Variants in DSN1 observed in about 807,000 individuals in gnomAD.
The protein encoded by DSN1 is DSN1 component of MIS12 kinetochore complex, also known as kinetochore-associated protein DSN1 homolog.
DSN1 carries 31 observed loss-of-function variants against 45.7 expected under a neutral mutation model. The observed-to-expected ratio is 0.68, with a 90% CI of 0.51 to 0.92. DSN1 has a LOEUF of 0.92. Among genes scored for constraint, DSN1 ranks in the 40% least tolerant of loss-of-function variants. The pLI is 0.00. For synonymous variants in DSN1, 134 were observed against 142.3 expected, an observed-to-expected ratio of 0.94 and a Z score of 0.41; for missense variants, 394 against 414.2, an observed-to-expected ratio of 0.95 and a Z score of 0.42.
At chr20:36,754,697 G>T in intron 10 of DSN1, 66 bp downstream of exon 10, 1 of 1,417,338 alleles carries the variant, frequency 7.1e-7, no homozygotes, top group Non-Finnish European at 9.9e-7. Flanking sequence ...TTGAAGGGCA[G>T]TTTGTATCCC....
At chr20:36,756,718 G>A (rs6129661) in intron 8 of DSN1, among the ~76,000 whole-genome samples, 1 of 152,092 alleles carries the variant, frequency 6.6e-6, no homozygotes, top group Non-Finnish European at 1.5e-5. Flanking sequence ...ACTTGCCCAA[G>A]GTCACAAAAC....
chr20:36,765,668 G>A (rs1056400697), intron 5 of DSN1, among the ~76,000 whole-genome samples: 35 of 147,664 alleles, frequency 2.4e-4, no homozygotes, highest in African/African-American at 7.3e-4. Flanking sequence ...CGCAGTGGCC[G>A]ACGCCTGTAG....
chr20:36,756,227 G>A (rs1032309989), intron 8 of DSN1, among the ~76,000 whole-genome samples: 3 of 152,016 alleles, frequency 2.0e-5, no homozygotes, highest in Non-Finnish European at 2.9e-5. Flanking sequence ...TGATCTGCCC[G>A]CTTCGGCCTC....
At chr20:36,770,698 A>G (rs1987598223) in intron 3 of DSN1, among the ~76,000 whole-genome samples, 175 bp downstream of exon 3, 1 of 152,208 alleles carries the variant, frequency 6.6e-6, no homozygotes, top group African/African-American at 2.4e-5. Flanking sequence ...GTCTCTTAAA[A>G]AGAAATAGCA....
chr20:36,754,840 A>G lies in DSN1; in HGVS notation c.884T>C (p.Leu295Pro), dbSNP rs749483848. ...FDCMELVMDE[L>P]QGSVKQLQAF... Reference sequence around the variant, plus strand: ...CTGCAGCTGTTTCACTGATCCTTGCAGTTCATCCATCTGTAGAAAAAAGAC... The same window carrying G: ...CTGCAGCTGTTTCACTGATCCTTGCGGTTCATCCATCTGTAGAAAAAAGAC... Residue 295 changes from leucine to proline, a missense_variant, in exon 10 of 11, where the codon CTG (leucine) becomes CCG (proline). By Grantham distance (98) the Leu-to-Pro change is moderately conservative. Transcript: ENST00000373750. 9 of 1,613,818 alleles carry G rather than the reference A, an allele frequency of 5.6e-6. No individual in the cohort carries two copies. Among genetic ancestry groups the G allele is most frequent in the African/African-American group, 1.3e-5 (1 of 75,024 alleles).
At chr20:36,763,885 CAAAAAAAAAAAAAAAAA>C (rs148628979) in intron 5 of DSN1, among the ~76,000 whole-genome samples, 15 of 37,462 alleles carry the variant, frequency 4.0e-4, no homozygotes, top group African/African-American at 9.6e-4. Flanking sequence ...AACTCTGTCT[CAAAAAAAAAAAAAAAAA>C]AAAAAAAAAG....
intron 8 of DSN1, 116 bp from the exon 9 acceptor site, chr20:36,755,945 C>T: frequency 1.7e-6 from 2 of 1,206,736 alleles, no homozygotes; most frequent in South Asian, 1.6e-5. Flanking sequence ...TAGCTATAGG[C>T]TCACTTCTTA....
At chr20:36,756,231 C>T (rs954010377) in intron 8 of DSN1, among the ~76,000 whole-genome samples, 2 of 152,152 alleles carry the variant, frequency 1.3e-5, no homozygotes, top group Admixed American at 1.3e-4. Flanking sequence ...CTGCCCGCTT[C>T]GGCCTCCCAA....
chr20:36,755,802 C>G lies in DSN1; in HGVS notation c.753G>C (p.Glu251Asp), dbSNP rs1244562520. 2.5e-6 allele frequency: 4 copies of G among 1,612,896 alleles called. No homozygotes were observed. The highest frequency in any genetic ancestry group is 2.2e-5 in the East Asian group (1 of 44,858). ...SRGSTEAKIT[E>D]VKVEPMTYLG... ...GATATGTCATAGGTTCCACTTTGACCTCAGTAATTTTGGCCTCAGTTGATC... is the reference window on the plus strand; with the variant it reads ...GATATGTCATAGGTTCCACTTTGACGTCAGTAATTTTGGCCTCAGTTGATC... The change falls in exon 9 of 11, where the codon GAG (glutamate) becomes GAC (aspartate). Residue 251 changes from glutamate to aspartate, a missense_variant. Glu to Asp is a conservative substitution (Grantham distance 45). Coordinates refer to ENST00000373750, the MANE Select transcript of DSN1 (RefSeq NM_001145315.2).
chr20:36,755,974 G>T lies in DSN1; in HGVS notation c.726-145C>A, dbSNP rs533161829. 2,575 of 893,594 alleles carry T rather than the reference G, an allele frequency of 2.9e-3. 7 individuals carry two copies. Among genetic ancestry groups the T allele is most frequent in the Non-Finnish European group, 3.3e-3 (2,074 of 622,318 alleles). 55.4% of individuals were successfully genotyped at this position (893,594 alleles called of 1,614,324 possible). The stretch of plus-strand genomic sequence containing the variant: ...CTTCTTAACAGAAAGGTTTTTTTTT[G>T]TTTGTTTGTTTGTTTTTGAGATGGA... On this transcript the variant is annotated intron_variant, in intron 8 of 10. Coordinates refer to ENST00000373750, the MANE Select transcript of DSN1 (RefSeq NM_001145315.2).
intron 5 of DSN1, among the ~76,000 whole-genome samples, chr20:36,764,996 A>T (rs533670972): frequency 2.2e-4 from 34 of 152,106 alleles, no homozygotes; most frequent in African/African-American, 8.2e-4. Flanking sequence ...TCTTCAAAAG[A>T]AAAAGGAACA....
intron 8 of DSN1, among the ~76,000 whole-genome samples, chr20:36,756,901 T>C (rs919100415): frequency 6.6e-6 from 1 of 152,162 alleles, no homozygotes; most frequent in Non-Finnish European, 1.5e-5. Context: ...ATTACCTGGA[T>C]TGGGGAAATT....
chr20:36,767,012 A>C (rs1252865601), intron 4 of DSN1, among the ~76,000 whole-genome samples, 171 bp from the exon 5 acceptor site: 1 of 152,126 alleles, frequency 6.6e-6, no homozygotes, highest in Non-Finnish European at 1.5e-5. Flanking sequence ...GAAAAAAAAA[A>C]AACTCTTTGT....
intron 1 of DSN1, chr20:36,773,394 C>T: frequency 2.0e-6 from 2 of 985,518 alleles, no homozygotes; most frequent in South Asian, 9.4e-5. Context: ...CAGTCCTCAC[C>T]CCTGTTTCTG....
intron 3 of DSN1, 148 bp from the exon 4 acceptor site, chr20:36,768,190 G>T: frequency 1.5e-6 from 1 of 684,050 alleles, no homozygotes; most frequent in Non-Finnish European, 2.4e-6. Context: ...ATTTTTGCAG[G>T]ATCACTGAGG....
intron 10 of DSN1, among the ~76,000 whole-genome samples, chr20:36,754,286 G>A (rs988169475): frequency 2.0e-5 from 3 of 152,082 alleles, no homozygotes; most frequent in Non-Finnish European, 4.4e-5. Flanking sequence ...AGTGAGCTGT[G>A]CAGTCATTGT....
Position 36,763,644 on chromosome 20 carries a change from T to A in DSN1, c.503-1096A>T, listed in dbSNP as rs182428385. ...TGGCTCATGCCTATAATCCCAGCAC[T>A]TTGGGAGGCCAAGGCGGGCAGATCA... On this transcript the variant is annotated intron_variant, in intron 5 of 10. Transcript: ENST00000373750. Among the ~76,000 whole-genome samples, 108 of 151,166 alleles carry A rather than the reference T, an allele frequency of 7.1e-4. 3 individuals are homozygous for A. The East Asian group carries it at 0.02, about 28-fold the overall frequency.
chr20:36,758,456 G>A (rs1343717608), intron 7 of DSN1, 102 bp downstream of exon 7: 7 of 1,023,204 alleles, frequency 6.8e-6, no homozygotes, highest in Non-Finnish European at 1.0e-5. Context: ...ATGCACTAAT[G>A]CTGACTCTCC....
At chr20:36,758,058 A>C (rs1986771940) in intron 8 of DSN1, 29 bp downstream of exon 8, 1 of 1,598,226 alleles carries the variant, frequency 6.3e-7, no homozygotes, top group Non-Finnish European at 8.6e-7. Context: ...TAAGATTTTT[A>C]AAGAGTTTTT....
Sources: allele counts gnomAD v4.1 joint callset (sites outside exome capture counted in the v4.1 genomes callset), GRCh38; gene constraint gnomAD v4.1.1; transcripts MANE v1.5; gene names NCBI Gene and HGNC (gene_info 2026-07-23, HGNC 2026-07-21).